The following REPS1 variants were observed in gnomAD, a reference collection of about 807,000 sequenced individuals.
REPS1 encodes the protein ralBP1-associated Eps domain-containing protein 1.
REPS1 carries 39 observed loss-of-function variants against 100.9 expected under a neutral mutation model. The ratio of observed to expected loss-of-function variants is 0.39; its 90% CI spans 0.30 to 0.50. The LOEUF (loss-of-function observed/expected upper bound fraction) is 0.50. Ranked by LOEUF, REPS1 falls within the 20% of genes least tolerant of loss-of-function variation. REPS1 has a pLI of 0.86. For missense variants in REPS1, 821 were observed against 968.5 expected, an observed-to-expected ratio of 0.85 and a Z score of 2.02; for synonymous variants, 324 against 340.3, an observed-to-expected ratio of 0.95 and a Z score of 0.53.
chr6:138,914,621 A>G, intron 15 of REPS1, 76 bp downstream of exon 15: 1 of 1,184,060 alleles, frequency 8.4e-7, no homozygotes, highest in South Asian at 1.2e-5. Flanking sequence ...CTTCCAAATA[A>G]TTTGAGAATA....
At chr6:138,942,622 A>G (rs1053131834) in intron 7 of REPS1, among the ~76,000 whole-genome samples, 1 of 151,822 alleles carries the variant, frequency 6.6e-6, no homozygotes, top group African/African-American at 2.4e-5. Flanking sequence ...TTTTCTTTTT[A>G]ATAGAGATGG....
At chr6:138,939,513 C>T (rs1782090923) in intron 8 of REPS1, among the ~76,000 whole-genome samples, 1 of 152,078 alleles carries the variant, frequency 6.6e-6, no homozygotes, top group South Asian at 2.1e-4. Context: ...TAAATATATG[C>T]AAAAGCCAGA....
intron 12 of REPS1, among the ~76,000 whole-genome samples, chr6:138,918,833 G>C (rs1780573781): frequency 6.6e-6 from 1 of 152,110 alleles, no homozygotes; most frequent in African/African-American, 2.4e-5. Flanking sequence ...CCCAGAAATA[G>C]ACTAAGAGTT....
intron 2 of REPS1, among the ~76,000 whole-genome samples, chr6:138,947,129 T>C (rs1352066082): frequency 6.6e-6 from 1 of 151,900 alleles, no homozygotes; most frequent in Non-Finnish European, 1.5e-5. Flanking sequence ...GCCACGATTG[T>C]AGGTTTCCTG....
intron 18 of REPS1, among the ~76,000 whole-genome samples, chr6:138,908,038 C>A (rs1239788749): frequency 1.3e-5 from 2 of 152,096 alleles, no homozygotes; most frequent in Non-Finnish European, 2.9e-5. Context: ...CAAAAACAGG[C>A]CATAGGCTGA....
intron 1 of REPS1, among the ~76,000 whole-genome samples, chr6:138,963,780 T>C (rs534264238): frequency 1.6e-4 from 25 of 152,326 alleles, no homozygotes; most frequent in African/African-American, 5.8e-4. Context: ...AGAATATGTT[T>C]AGCTTCGGGT....
intron 14 of REPS1, among the ~76,000 whole-genome samples, chr6:138,915,387 T>TA (rs1292988166): frequency 2.0e-5 from 3 of 149,410 alleles, no homozygotes; most frequent in African/African-American, 7.4e-5. Flanking sequence ...ACACTTTAAG[T>TA]AGTCATTAAG....
intron 8 of REPS1, chr6:138,934,379 G>T (rs1471117863): frequency 2.1e-6 from 1 of 468,184 alleles, no homozygotes; most frequent in Non-Finnish European, 4.4e-6. Context: ...ACCCCAAAAG[G>T]GCTGTTACGC....
At chr6:138,980,174 C>T (rs1036670277) in intron 1 of REPS1, among the ~76,000 whole-genome samples, 3 of 152,160 alleles carry the variant, frequency 2.0e-5, no homozygotes, top group African/African-American at 7.2e-5. Flanking sequence ...CTAAAAAATT[C>T]TCACAGATGT....
intron 1 of REPS1, chr6:138,950,991 C>T (rs76769090): frequency 0.076 from 11,573 of 152,150 alleles, 1,047 homozygotes; most frequent in African/African-American, 0.22. Context: ...AGTTCGAGGC[C>T]GGCCTGACCA....
chr6:138,907,312 A>AGTGTGTGGGTGTGTG, intron 19 of REPS1, 183 bp downstream of exon 19: 1 of 105,682 alleles, frequency 9.5e-6, no homozygotes, highest in South Asian at 1.6e-4. Flanking sequence ...AAAAAAAAAA[A>AGTGTGTGGGTGTGTG]AGTGTGTGTG....
At position 138,987,733 on chromosome 6, in the gene REPS1, C is replaced by G. The variant is rs1562576879; in HGVS notation, c.-51G>C. ...CGCCCCGCATGCACTACTCGGGGCC[C>G]GGCCCCAGGAACCTGGGCCGGCAGG... On this transcript the variant is annotated 5_prime_UTR_variant, in exon 1 of 20. Transcript: ENST00000450536. 1 of 1,460,656 alleles carries G rather than the reference C, an allele frequency of 6.8e-7. No individual in the cohort carries two copies. Among genetic ancestry groups the G allele is most frequent in the Non-Finnish European group, 9.1e-7 (1 of 1,103,204 alleles). The allele number at this position is 1,460,656 out of a possible 1,614,324, so 90.5% of individuals were successfully genotyped here. A position where few individuals can be genotyped will look rare whatever the true frequency, so the allele number is the denominator to read the frequency against.
intron 9 of REPS1, 145 bp from the exon 10 acceptor site, chr6:138,926,626 C>A (rs570936008): frequency 3.3e-6 from 2 of 613,400 alleles, no homozygotes; most frequent in Non-Finnish European, 5.8e-6. Flanking sequence ...TCTATTTTTC[C>A]GTCAACATTT....
At chr6:138,947,034 T>TGCTCTCTC (rs1782661970) in intron 2 of REPS1, among the ~76,000 whole-genome samples, 1 of 61,418 alleles carries the variant, frequency 1.6e-5, no homozygotes, top group Non-Finnish European at 3.2e-5. Flanking sequence ...TATTCCCCCT[T>TGCTCTCTC]GCTCTCTCTC....
At chr6:138,907,383 T>A in intron 19 of REPS1, 112 bp downstream of exon 19, 2 of 560,396 alleles carry the variant, frequency 3.6e-6, no homozygotes, top group Non-Finnish European at 3.1e-6. Flanking sequence ...ATCTAGAAAA[T>A]TAGAGAAGAG....
At chr6:138,967,234 A>G (rs1183522910) in intron 1 of REPS1, among the ~76,000 whole-genome samples, 1 of 152,192 alleles carries the variant, frequency 6.6e-6, no homozygotes, top group Non-Finnish European at 1.5e-5. Context: ...TAAGAAATAA[A>G]CTTTTTTTTC....
intron 4 of REPS1, 116 bp downstream of exon 4, chr6:138,945,103 C>A (rs1031683634): frequency 2.4e-6 from 2 of 837,318 alleles, no homozygotes; most frequent in Non-Finnish European, 3.4e-6. Flanking sequence ...TTCTGTGGCA[C>A]AAGCCTATAA....
intron 10 of REPS1, among the ~76,000 whole-genome samples, chr6:138,926,031 AC>A (rs1438526921): frequency 6.6e-6 from 1 of 152,244 alleles, no homozygotes; most frequent in Non-Finnish European, 1.5e-5. Flanking sequence ...CATATGTAGG[AC>A]ATATTACATG....
At position 138,930,376 on chromosome 6, in the gene REPS1, TTAAAA is replaced by T. The variant is rs575459959; in HGVS notation, c.1136-283_1136-279del. Among the ~76,000 whole-genome samples, 8 of 152,316 alleles carry T rather than the reference TTAAAA, an allele frequency of 5.3e-5. No individual in the cohort carries two copies. The South Asian group carries it at 1.7e-3, about 32-fold the overall frequency. ...ATAATATTGCAATAGGTCACATGCT[TTAAAA>T]TAATTTTCTGATAACAGAAATAGAT... On this transcript the variant is annotated intron_variant, in intron 8 of 19. Coordinates refer to ENST00000450536, the MANE Select transcript of REPS1 (RefSeq NM_001286611.2).
Sources: gnomAD v4.1 joint callset for allele counts (sites outside exome capture counted in the v4.1 genomes callset) on GRCh38, gnomAD v4.1.1 for gene constraint, MANE v1.5 for transcripts, NCBI Gene and HGNC (gene_info 2026-07-23, HGNC 2026-07-21) for gene names.